The following MCUB variants were observed in gnomAD, a reference collection of about 807,000 sequenced individuals.
The protein encoded by MCUB is mitochondrial calcium uniporter dominant negative subunit beta.
Under a neutral mutation model 41.4 loss-of-function variants are expected in MCUB, and 46 were observed. That is an observed-to-expected ratio of 1.11 (90% CI 0.88 to 1.42). The LOEUF (loss-of-function observed/expected upper bound fraction) is 1.42, where lower values mean the gene tolerates loss of function less well. MCUB is among the 40% of genes most tolerant of loss of function. The pLI, the probability that MCUB is intolerant of heterozygous loss-of-function variation, is 0.00. For synonymous variants in MCUB, 148 were observed against 148.2 expected, an observed-to-expected ratio of 1.00 and a Z score of 0.01; for missense variants, 403 against 404.9, an observed-to-expected ratio of 1.00 and a Z score of 0.04.
At chr4:109,632,959 G>A (rs1176280351) in intron 1 of MCUB, among the ~76,000 whole-genome samples, 1 of 152,128 alleles carries the variant, frequency 6.6e-6, no homozygotes, top group African/African-American at 2.4e-5. Flanking sequence ...ATAGGTGTCA[G>A]GGTGGAATGG....
chr4:109,583,053 T>C (rs951522812), intron 1 of MCUB, among the ~76,000 whole-genome samples: 3 of 152,214 alleles, frequency 2.0e-5, no homozygotes, highest in Non-Finnish European at 2.9e-5. Context: ...TGGACTCTTT[T>C]TTGGTTCCAT....
intron 1 of MCUB, among the ~76,000 whole-genome samples, chr4:109,641,704 T>C (rs140443674): frequency 1.3e-5 from 2 of 152,352 alleles, no homozygotes; most frequent in African/African-American, 2.4e-5. Context: ...AAATGAAGTA[T>C]GCCTGTATTT....
chr4:109,688,576 T>TATCA lies in MCUB; in HGVS notation c.*987_*990dup, dbSNP rs1014801849. The stretch of plus-strand genomic sequence containing the variant: ...TTTAAATGACCGAGTAAAAAACATC[T>TATCA]ATCAATTACACAAATGAACAAGAAT... On this transcript the variant is annotated 3_prime_UTR_variant, in exon 8 of 8. Coordinates refer to ENST00000394650, the MANE Select transcript of MCUB (RefSeq NM_017918.5). The TATCA allele has an allele frequency of 4.6e-5, 7 of 152,168 alleles. No homozygotes were observed. Among genetic ancestry groups the TATCA allele is most frequent in the African/African-American group, 7.2e-5 (3 of 41,424 alleles). The allele number at this position is 152,168 out of a possible 1,614,324, so 9.4% of individuals were successfully genotyped here. A position where few individuals can be genotyped will look rare whatever the true frequency, so the allele number is the denominator to read the frequency against.
At chr4:109,624,102 C>G (rs1438926350) in intron 1 of MCUB, among the ~76,000 whole-genome samples, 2 of 152,182 alleles carry the variant, frequency 1.3e-5, no homozygotes, top group African/African-American at 4.8e-5. Context: ...GTCCTCCCAC[C>G]TCAGCCTCCC....
At chr4:109,565,104 A>C (rs1726739673) in intron 1 of MCUB, among the ~76,000 whole-genome samples, 1 of 152,224 alleles carries the variant, frequency 6.6e-6, no homozygotes, top group African/African-American at 2.4e-5. Context: ...AACCTTATTT[A>C]TGCATCACTT....
At position 109,603,089 on chromosome 4, in the gene MCUB, C is replaced by T. The variant is rs565485285; in HGVS notation, c.99+42653C>T. Among the ~76,000 whole-genome samples, 56 of 152,244 alleles carry T rather than the reference C, an allele frequency of 3.7e-4. 1 individual carries two copies. The highest frequency in any genetic ancestry group is 1.3e-3 in the African/African-American group (56 of 41,536). On this transcript the variant is annotated intron_variant, in intron 1 of 7. Transcript: ENST00000394650. Reference sequence around the variant, plus strand: ...AGGTTTAATAGTTTTTTGGCTCTCCCTCTCCATCTCCCTCTCCATAGTCTC... The same window carrying T: ...AGGTTTAATAGTTTTTTGGCTCTCCTTCTCCATCTCCCTCTCCATAGTCTC...
At chr4:109,574,241 A>C (rs1579044986) in intron 1 of MCUB, among the ~76,000 whole-genome samples, 1 of 152,174 alleles carries the variant, frequency 6.6e-6, no homozygotes, top group African/African-American at 2.4e-5. Context: ...TATCATGTGA[A>C]AGAAGGTTGT....
intron 1 of MCUB, among the ~76,000 whole-genome samples, chr4:109,607,506 C>T (rs1225349950): frequency 6.6e-6 from 1 of 152,232 alleles, no homozygotes; most frequent in Non-Finnish European, 1.5e-5. Flanking sequence ...GCGTGAGCCA[C>T]CATGCCCGGC....
At chr4:109,604,981 CT>C (rs1437178431) in intron 1 of MCUB, among the ~76,000 whole-genome samples, 1 of 152,096 alleles carries the variant, frequency 6.6e-6, no homozygotes, top group East Asian at 1.9e-4. Flanking sequence ...CTGTAGATTT[CT>C]TTTTTTGATG....
chr4:109,620,527 A>G (rs572792723), intron 1 of MCUB, among the ~76,000 whole-genome samples: 1 of 150,204 alleles, frequency 6.7e-6, no homozygotes, highest in Non-Finnish European at 1.5e-5. Flanking sequence ...AGGAGAAGGT[A>G]GTAGAAGATA....
intron 1 of MCUB, among the ~76,000 whole-genome samples, chr4:109,603,348 C>A (rs1003004254): frequency 2.0e-5 from 3 of 152,188 alleles, no homozygotes; most frequent in African/African-American, 7.2e-5. Flanking sequence ...CTGCCTGCCT[C>A]GGCCTCCCGA....
chr4:109,642,643 G>T (rs1027548361), intron 1 of MCUB, among the ~76,000 whole-genome samples: 1 of 151,894 alleles, frequency 6.6e-6, no homozygotes, highest in Non-Finnish European at 1.5e-5. Flanking sequence ...TTTGAATCAG[G>T]CTGCTGCATC....
intron 1 of MCUB, among the ~76,000 whole-genome samples, chr4:109,657,791 A>C (rs895451168): frequency 4.6e-5 from 7 of 152,234 alleles, no homozygotes; most frequent in Non-Finnish European, 7.3e-5. Context: ...GCAAGCCCCC[A>C]AAACATGTTC....
At chr4:109,641,164 C>T (rs1159857140) in intron 1 of MCUB, among the ~76,000 whole-genome samples, 1 of 152,052 alleles carries the variant, frequency 6.6e-6, no homozygotes, top group African/African-American at 2.4e-5. Flanking sequence ...GTGATGTTGG[C>T]TCACTGCAAG....
chr4:109,645,601 C>T (rs760651774), intron 1 of MCUB, among the ~76,000 whole-genome samples: 2 of 152,140 alleles, frequency 1.3e-5, no homozygotes. Flanking sequence ...CCTCCCAACC[C>T]TCTATTTCAG....
chr4:109,658,948 G>T, intron 1 of MCUB, 63 bp from the exon 2 acceptor site: 2 of 886,462 alleles, frequency 2.3e-6, no homozygotes, highest in Non-Finnish European at 1.8e-6. Context: ...GTAAAATAAA[G>T]ACACTTATTT....
intron 4 of MCUB, among the ~76,000 whole-genome samples, chr4:109,668,454 T>G (rs1329275032): frequency 6.6e-6 from 1 of 152,108 alleles, no homozygotes; most frequent in African/African-American, 2.4e-5. Context: ...ATATAGCTAT[T>G]TCAGCTTTCT....
chr4:109,594,081 A>G (rs1305642085), intron 1 of MCUB, among the ~76,000 whole-genome samples: 1 of 152,236 alleles, frequency 6.6e-6, no homozygotes, highest in Non-Finnish European at 1.5e-5. Flanking sequence ...GGGAAGAGGT[A>G]TAGCCTTAGT....
At chr4:109,604,310 C>T (rs375165324) in intron 1 of MCUB, among the ~76,000 whole-genome samples, 3,825 of 151,650 alleles carry the variant, frequency 0.025, 125 homozygotes, top group South Asian at 0.074. Flanking sequence ...TCTGCTGACC[C>T]TCTCTCCACT....
Sources: gnomAD v4.1 joint callset for allele counts (sites outside exome capture counted in the v4.1 genomes callset) on GRCh38, gnomAD v4.1.1 for gene constraint, MANE v1.5 for transcripts, NCBI Gene and HGNC (gene_info 2026-07-23, HGNC 2026-07-21) for gene names.